The following CFAP54 variants were observed in gnomAD, a reference collection of about 807,000 sequenced individuals.
The protein encoded by CFAP54 is cilia and flagella associated protein 54.
CFAP54 carries 290 observed loss-of-function variants against 370.4 expected under a neutral mutation model. The ratio of observed to expected loss-of-function variants is 0.78; its 90% CI spans 0.71 to 0.86. The LOEUF is 0.86. CFAP54 is among the 40% of genes least tolerant of loss of function. CFAP54 has a pLI of 0.00. For synonymous variants in CFAP54, 1,206 were observed against 1,236.5 expected (o/e 0.98, Z 0.52); for missense variants, 3,399 against 3,528.7 (o/e 0.96, Z 0.93).
At chr12:96,692,187 A>G (rs993770046) in intron 44 of CFAP54, among the ~76,000 whole-genome samples, 9 of 152,272 alleles carry the variant, frequency 5.9e-5, no homozygotes, top group Admixed American at 3.9e-4. Context: ...GTTAACTTAT[A>G]AAACCATGTA....
At position 96,494,884 on chromosome 12, in the gene CFAP54, G is replaced by A. The variant is rs560202210; in HGVS notation, c.317+4958G>A. On this transcript the variant is annotated intron_variant, in intron 1 of 67. Transcript: ENST00000524981. ...TGGGACTACAGGCGCAACCTACCAC[G>A]CCCAGCTAATTTTTGTATTTTTAGT... Among the ~76,000 whole-genome samples, 15 of 151,876 alleles carry A rather than the reference G, an allele frequency of 9.9e-5. No homozygotes were observed. In the East Asian group the frequency reaches 2.9e-3, roughly 30 times the overall value.
intron 26 of CFAP54, among the ~76,000 whole-genome samples, chr12:96,606,849 C>T (rs1956306744): frequency 6.6e-6 from 1 of 152,182 alleles, no homozygotes; most frequent in South Asian, 2.1e-4. Flanking sequence ...TGTGGTTCCT[C>T]AAAGGCTTTC....
chr12:96,580,852 A>C, intron 21 of CFAP54, 68 bp from the exon 22 acceptor site: 1 of 1,229,518 alleles, frequency 8.1e-7, no homozygotes, highest in Non-Finnish European at 1.1e-6. Flanking sequence ...AGGTTTACTT[A>C]ATTGTATTTT....
chr12:96,670,410 A>G (rs527612182), intron 39 of CFAP54, among the ~76,000 whole-genome samples: 2 of 152,338 alleles, frequency 1.3e-5, no homozygotes, highest in African/African-American at 4.8e-5. Flanking sequence ...TTTTTCAGGC[A>G]GGAAAAAGAT....
chr12:96,758,925 G>A (rs972920892), intron 58 of CFAP54, among the ~76,000 whole-genome samples: 1 of 152,122 alleles, frequency 6.6e-6, no homozygotes, highest in African/African-American at 2.4e-5. Context: ...TAGACTCAGG[G>A]AGATCCCAGA....
chr12:96,849,137 A>G (rs1959461351), intron 66 of CFAP54, among the ~76,000 whole-genome samples: 1 of 152,260 alleles, frequency 6.6e-6, no homozygotes, highest in Admixed American at 6.5e-5. Flanking sequence ...AATCCAATAA[A>G]TCATTAACTT....
intron 1 of CFAP54, among the ~76,000 whole-genome samples, chr12:96,500,493 A>C (rs1025423135): frequency 6.6e-6 from 1 of 152,204 alleles, no homozygotes. Flanking sequence ...CAAAGGTACC[A>C]TTCTAGTGGA....
intron 8 of CFAP54, among the ~76,000 whole-genome samples, chr12:96,523,625 C>G (rs1374183923): frequency 6.6e-6 from 1 of 152,112 alleles, no homozygotes; most frequent in Non-Finnish European, 1.5e-5. Context: ...CTTGGATAAG[C>G]TTTTAAGCTG....
chr12:96,799,027 T>C (rs1958794253), intron 63 of CFAP54, among the ~76,000 whole-genome samples: 1 of 152,190 alleles, frequency 6.6e-6, no homozygotes, highest in African/African-American at 2.4e-5. Flanking sequence ...ATGTTATCCT[T>C]ATATTTATAT....
intron 39 of CFAP54, among the ~76,000 whole-genome samples, chr12:96,667,655 G>A (rs1565935644): frequency 6.6e-6 from 1 of 152,152 alleles, no homozygotes. Flanking sequence ...CTTTTTCTCT[G>A]GTAGGCCTTT....
At position 96,770,196 on chromosome 12, in the gene CFAP54, G is replaced by GTGTGTGTGTGTGTGTGTGAATT. The variant is rs765106888; in HGVS notation, c.8281+4992_8281+4993insTGTGAATTTGTGTGTGTGTGTG. Among the ~76,000 whole-genome samples, 1,010 of 151,820 alleles carry GTGTGTGTGTGTGTGTGTGAATT rather than the reference G, an allele frequency of 6.7e-3. 9 individuals carry two copies. Among genetic ancestry groups the GTGTGTGTGTGTGTGTGTGAATT allele is most frequent in the Middle Eastern group, 0.027 (8 of 294 alleles). On this transcript the variant is annotated intron_variant, in intron 60 of 67. Coordinates refer to ENST00000524981, the MANE Select transcript of CFAP54 (RefSeq NM_001306084.2). ...GTGGTAGTGAAGGTGGGATGTGTGT[G>GTGTGTGTGTGTGTGTGTGAATT]TGTGTGTGTGTGTGAATTTGTGTGT...
intron 50 of CFAP54, among the ~76,000 whole-genome samples, chr12:96,732,319 T>G (rs562294762): frequency 6.6e-6 from 1 of 151,780 alleles, no homozygotes; most frequent in East Asian, 1.9e-4. Flanking sequence ...TTTAGTAGAG[T>G]TGGGGTTTCA....
At chr12:96,543,336 T>C (rs1955598470) in intron 14 of CFAP54, among the ~76,000 whole-genome samples, 1 of 152,162 alleles carries the variant, frequency 6.6e-6, no homozygotes, top group African/African-American at 2.4e-5. Context: ...GCATGGTAAG[T>C]TAATGAGAAG....
chr12:96,691,219 T>A lies in CFAP54; in HGVS notation c.6173T>A (p.Phe2058Tyr), dbSNP rs1402164226. The A allele has an allele frequency of 6.2e-7, 1 of 1,613,596 alleles. No individual in the cohort carries two copies. Residue 2058 changes from phenylalanine to tyrosine, a missense_variant, in exon 44 of 68, where the codon TTC (phenylalanine) becomes TAC (tyrosine). By Grantham distance (22) the Phe-to-Tyr change is conservative. This residue lies in a region of CFAP54 where 2,796 missense variants were observed against 2,869.7 expected (regional missense o/e 0.97). Coordinates refer to ENST00000524981, the MANE Select transcript of CFAP54 (RefSeq NM_001306084.2). ...CAGCTTCTCCCAGGCATTGAACTCT[T>A]CTCAGATAGATACAGGGCTGACATT... ...ITQLLPGIEL[F>Y]SDRYRADICS...
chr12:96,519,021 ACAGCTGTTTGCC>A lies in CFAP54; in HGVS notation c.893_904del (p.Thr298_Gln302delinsLys). On this transcript the variant is annotated inframe_deletion, in exon 6 of 68. Coordinates refer to ENST00000524981, the MANE Select transcript of CFAP54 (RefSeq NM_001306084.2). ...CTTGACATGGCGCGCTACTCTCTAC[ACAGCTGTTTGCC>A]AGTGCTGCTATGACTGCCATGCCGG... 1 of 1,535,494 alleles carries A rather than the reference ACAGCTGTTTGCC, an allele frequency of 6.5e-7. No homozygotes were observed.
intron 36 of CFAP54, among the ~76,000 whole-genome samples, chr12:96,653,755 A>G (rs1384599699): frequency 6.6e-6 from 1 of 151,990 alleles, no homozygotes; most frequent in Non-Finnish European, 1.5e-5. Context: ...ATAAAAAGAA[A>G]TAAAAGAAAT....
chr12:96,545,993 A>G (rs900197846), intron 14 of CFAP54, among the ~76,000 whole-genome samples: 6 of 152,228 alleles, frequency 3.9e-5, no homozygotes, highest in East Asian at 3.9e-4. Context: ...AGTGATAAAC[A>G]TAACTGTTTC....
At chr12:96,802,213 G>A (rs545079443) in intron 63 of CFAP54, among the ~76,000 whole-genome samples, 1 of 152,258 alleles carries the variant, frequency 6.6e-6, no homozygotes, top group African/African-American at 2.4e-5. Context: ...ACAGCCTGCG[G>A]TGAGATCGAG....
chr12:96,633,326 G>A (rs1439536981), intron 32 of CFAP54, among the ~76,000 whole-genome samples: 5 of 152,192 alleles, frequency 3.3e-5, no homozygotes, highest in Non-Finnish European at 7.4e-5. Context: ...GCAGTTATAA[G>A]AAATAATACA....
Sources: gnomAD v4.1 joint callset for allele counts (sites outside exome capture counted in the v4.1 genomes callset) on GRCh38, gnomAD v4.1.1 for gene constraint, gnomAD v4.1.1 regional missense constraint, MANE v1.5 for transcripts, NCBI Gene and HGNC (gene_info 2026-07-23, HGNC 2026-07-21) for gene names.